PADI2: variants seen among roughly 807,000 people sequenced by gnomAD.
PADI2 encodes the protein protein-arginine deiminase type-2.
PADI2 carries 70 observed loss-of-function variants against 81.1 expected under a neutral mutation model. That is an observed-to-expected ratio of 0.86 (90% CI 0.71 to 1.05). The LOEUF is 1.05. PADI2 is among the 50% of genes least tolerant of loss of function. PADI2 has a pLI of 0.00. For missense variants in PADI2, 853 were observed against 889.9 expected (o/e 0.96, Z 0.53); for synonymous variants, 338 against 358.0 (o/e 0.94, Z 0.63).
At chr1:17,107,349 T>C (rs567227008) in intron 1 of PADI2, among the ~76,000 whole-genome samples, 2 of 152,276 alleles carry the variant, frequency 1.3e-5, no homozygotes, top group South Asian at 4.1e-4. Flanking sequence ...CTGGCTGGCA[T>C]GGCAGAGGCT....
chr1:17,070,602 C>T (rs1036471955), intron 14 of PADI2, among the ~76,000 whole-genome samples: 3 of 152,308 alleles, frequency 2.0e-5, no homozygotes, highest in South Asian at 2.1e-4. Flanking sequence ...CTGTTCTAAG[C>T]GCATTACATA....
chr1:17,109,087 C>T (rs528236364), intron 1 of PADI2, among the ~76,000 whole-genome samples: 1 of 152,138 alleles, frequency 6.6e-6, no homozygotes, highest in South Asian at 2.1e-4. Flanking sequence ...GAGGAAGGCT[C>T]TGGAAAGCTG....
chr1:17,086,693 A>G lies in PADI2; in HGVS notation c.662T>C (p.Phe221Ser). The G allele has an allele frequency of 6.2e-7, 1 of 1,613,830 alleles. No individual in the cohort carries two copies. Among genetic ancestry groups the G allele is most frequent in the Non-Finnish European group, 8.5e-7 (1 of 1,179,910 alleles). The change falls in exon 7 of 16, where the codon TTC becomes TCC. Residue 221 changes from phenylalanine (F) to serine (S), a missense_variant. Transcript: ENST00000375486. ...KVGVFYVENPFFGQRYIHILG... is the reference protein window; with the variant it reads ...KVGVFYVENPSFGQRYIHILG... Reference sequence around the variant, plus strand: ...GATGTGGATATAGCGTTGGCCGAAGAACGGGTCTGGAGGGAAAAGGACCAA... The same window carrying G: ...GATGTGGATATAGCGTTGGCCGAAGGACGGGTCTGGAGGGAAAAGGACCAA...
chr1:17,110,679 T>C (rs1267063621), intron 1 of PADI2, among the ~76,000 whole-genome samples: 1 of 152,250 alleles, frequency 6.6e-6, no homozygotes, highest in African/African-American at 2.4e-5. Flanking sequence ...GCTCCCTGCA[T>C]TGTTCCATCT....
intron 13 of PADI2, among the ~76,000 whole-genome samples, 175 bp from the exon 14 acceptor site, chr1:17,071,666 G>C (rs2078265532): frequency 6.6e-6 from 1 of 152,172 alleles, no homozygotes; most frequent in Non-Finnish European, 1.5e-5. Flanking sequence ...GCCCCCCTCT[G>C]TCTGGGGAGG....
chr1:17,086,207 C>A (rs1374648591), intron 7 of PADI2, among the ~76,000 whole-genome samples: 1 of 152,184 alleles, frequency 6.6e-6, no homozygotes, highest in African/African-American at 2.4e-5. Flanking sequence ...CGCTAATCAG[C>A]AGGACTCTGG....
chr1:17,090,874 A>G (rs1396972502), intron 6 of PADI2, among the ~76,000 whole-genome samples: 5 of 152,046 alleles, frequency 3.3e-5, no homozygotes, highest in Non-Finnish European at 7.4e-5. Flanking sequence ...CAAAAAGAAG[A>G]AACTTCTAGA....
At chr1:17,100,572 A>G (rs1472489763) in intron 3 of PADI2, among the ~76,000 whole-genome samples, 2 of 151,882 alleles carry the variant, frequency 1.3e-5, no homozygotes, top group Non-Finnish European at 2.9e-5. Context: ...GGCGTGAGCC[A>G]CTGTGCCCGG....
At position 17,070,309 on chromosome 1, in the gene PADI2, G is replaced by A. The variant is rs1446589772; in HGVS notation, c.1636-93C>T. Reference sequence around the variant, plus strand: ...ATCCCTGTCTGCAGCACCAGGCCAGGGGCCCCGGCACTCCAGAGAGACTTC... The same window carrying A: ...ATCCCTGTCTGCAGCACCAGGCCAGAGGCCCCGGCACTCCAGAGAGACTTC... On this transcript the variant is annotated intron_variant, in intron 14 of 15. Transcript: ENST00000375486. 7 of 1,531,594 alleles carry A rather than the reference G, an allele frequency of 4.6e-6. No individual in the cohort carries two copies. In the East Asian group the frequency reaches 1.6e-4, roughly 35 times the overall value. The allele number at this position is 1,531,594 out of a possible 1,614,324, so 94.9% of individuals were successfully genotyped here. A position where few individuals can be genotyped will look rare whatever the true frequency, so the allele number is the denominator to read the frequency against.
intron 2 of PADI2, among the ~76,000 whole-genome samples, chr1:17,103,639 C>T (rs954834723): frequency 7.9e-5 from 10 of 126,708 alleles, no homozygotes; most frequent in South Asian, 2.9e-4. Flanking sequence ...TCATCCTTTA[C>T]GAAGCCATCG....
chr1:17,086,823 C>T, intron 6 of PADI2, 124 bp from the exon 7 acceptor site: 1 of 740,356 alleles, frequency 1.4e-6, no homozygotes, highest in South Asian at 1.8e-5. Context: ...AAAGCACAAG[C>T]AGAAAATGCC....
intron 6 of PADI2, among the ~76,000 whole-genome samples, chr1:17,090,847 CA>C (rs1237039300): frequency 6.6e-6 from 1 of 152,030 alleles, no homozygotes; most frequent in African/African-American, 2.4e-5. Context: ...GGAACCAGAC[CA>C]GTCCACTCCC....
At chr1:17,096,321 A>G (rs767700879) in intron 3 of PADI2, among the ~76,000 whole-genome samples, 7 of 152,366 alleles carry the variant, frequency 4.6e-5, no homozygotes, top group Non-Finnish European at 1.0e-4. Flanking sequence ...CCAAGATCAC[A>G]TAGGGACGCT....
In PADI2 at chr1:17,089,788, G is replaced by A. The variant is rs532530734; in HGVS notation, c.655+2620C>T. On this transcript the variant is annotated intron_variant, in intron 6 of 15. Coordinates refer to ENST00000375486, the MANE Select transcript of PADI2 (RefSeq NM_007365.3). ...TTTCTCTGCAGGAACCAACAATGCC[G>A]CTCTATTGAGTGGTCCTCGTGCCTT... 1.1e-4 allele frequency among the ~76,000 whole-genome samples: 16 copies of A among 152,222 alleles called. No individual in the cohort carries two copies. In the South Asian group the frequency reaches 3.1e-3, roughly 30 times the overall value.
intron 10 of PADI2, among the ~76,000 whole-genome samples, chr1:17,080,969 C>T (rs550864089): frequency 6.0e-4 from 92 of 152,298 alleles, no homozygotes; most frequent in Non-Finnish European, 9.4e-4. Context: ...GGGAGCTTGC[C>T]AAGGCTGGGG....
chr1:17,092,596 C>G (rs955405166), intron 5 of PADI2, 63 bp from the exon 6 acceptor site: 53 of 1,433,920 alleles, frequency 3.7e-5, no homozygotes, highest in Non-Finnish European at 4.8e-5. Flanking sequence ...CTTCCCAATG[C>G]CTTTTACTTT....
Position 17,082,571 on chromosome 1 carries a change from T to C in PADI2, c.1132A>G (p.Lys378Glu), listed in dbSNP as rs1156639463. 8 of 1,612,818 alleles carry C rather than the reference T, an allele frequency of 5.0e-6. No individual in the cohort carries two copies. The highest frequency in any genetic ancestry group is 6.8e-6 in the Non-Finnish European group (8 of 1,178,980). The change falls in exon 10 of 16, where the codon AAG (lysine) becomes GAG (glutamate). Residue 378 changes from lysine (K) to glutamate (E), a missense_variant. By Grantham distance (56) the Lys-to-Glu change is moderately conservative. Coordinates refer to ENST00000375486, the MANE Select transcript of PADI2 (RefSeq NM_007365.3). Reference sequence around the variant, plus strand: ...AGGAGCTCCTTCACAGGGAAGTCCTTTAGGTTTCCATCTCGGGGAGAGTCC... The same window carrying C: ...AGGAGCTCCTTCACAGGGAAGTCCTCTAGGTTTCCATCTCGGGGAGAGTCC... ...VLDSPRDGNL[K>E]DFPVKELLGP... is the part of the protein sequence containing the mutation.
intron 3 of PADI2, among the ~76,000 whole-genome samples, chr1:17,097,955 TC>T (rs2101598985): frequency 6.6e-6 from 1 of 152,264 alleles, no homozygotes; most frequent in East Asian, 1.9e-4. Context: ...TAAAAATTTC[TC>T]CCCTGCGGGC....
intron 8 of PADI2, 104 bp from the exon 9 acceptor site, chr1:17,083,941 G>A (rs976380172): frequency 5.6e-4 from 432 of 769,794 alleles, no homozygotes; most frequent in Non-Finnish European, 2.5e-4. Context: ...GGGCTGTGCC[G>A]GGCAGATCAG....
Sources: gnomAD v4.1 joint callset for allele counts (sites outside exome capture counted in the v4.1 genomes callset) on GRCh38, gnomAD v4.1.1 for gene constraint, MANE v1.5 for transcripts, NCBI Gene and HGNC (gene_info 2026-07-23, HGNC 2026-07-21) for gene names.